The following TMEM177 variants were observed in gnomAD, a reference collection of about 807,000 sequenced individuals.
TMEM177 encodes transmembrane protein 177.
TMEM177 carries 4 observed loss-of-function variants against 14.2 expected under a neutral mutation model. The observed-to-expected ratio is 0.28, with a 90% confidence interval of 0.14 to 0.64. The LOEUF is 0.64. Among genes scored for constraint, TMEM177 ranks in the 30% least tolerant of loss-of-function variants. The probability of loss-of-function intolerance (pLI) is 0.82; values close to 1 mark genes in which losing one functional copy is unlikely to be tolerated. For missense variants in TMEM177, 344 were observed against 405.2 expected (o/e 0.85, Z 1.30); for synonymous variants, 179 against 174.5 (o/e 1.03, Z -0.20).
chr2:119,679,433 C>T (rs1688837958), intron 1 of TMEM177, 157 bp downstream of exon 1: 1 of 152,008 alleles, frequency 6.6e-6, no homozygotes, highest in South Asian at 2.1e-4. Flanking sequence ...GCCCTAGGGA[C>T]GTTGGACTTT....
downstream of TMEM177, chr2:119,686,438 G>A (rs1444117651): frequency 1.3e-5 from 2 of 152,192 alleles, no homozygotes; most frequent in African/African-American, 2.4e-5. Context: ...AGTTTTCCCA[G>A]TGGCTATCAG....
chr2:119,694,098 C>T, the TMEM177 span, among the ~76,000 whole-genome samples: 1 of 25,304 alleles, frequency 4.0e-5, no homozygotes, highest in Non-Finnish European at 8.6e-5. Flanking sequence ...ACACATGGCA[C>T]ACACAAACAC....
downstream of TMEM177, among the ~76,000 whole-genome samples, chr2:119,690,474 A>G (rs116355307): frequency 0.021 from 3,133 of 152,212 alleles, 43 homozygotes; most frequent in Non-Finnish European, 0.032. Context: ...CCCCTACCCC[A>G]TACCTCTCCT....
chr2:119,691,711 A>G, the TMEM177 span, among the ~76,000 whole-genome samples: 1 of 152,154 alleles, frequency 6.6e-6, no homozygotes, highest in Non-Finnish European at 1.5e-5. Context: ...GGGAGGCCCC[A>G]GAGGTCCTGA....
the TMEM177 span, among the ~76,000 whole-genome samples, chr2:119,710,257 G>C: frequency 6.6e-6 from 1 of 152,222 alleles, no homozygotes; most frequent in Non-Finnish European, 1.5e-5. Flanking sequence ...CAGAAGATGA[G>C]ATTCCAGGGG....
intron 1 of TMEM177, among the ~76,000 whole-genome samples, chr2:119,679,860 G>A (rs1170372187): frequency 2.6e-5 from 4 of 152,214 alleles, no homozygotes; most frequent in Non-Finnish European, 5.9e-5. Flanking sequence ...GTTTGCTGTG[G>A]ACACCTGACT....
the TMEM177 span, among the ~76,000 whole-genome samples, chr2:119,692,704 G>A: frequency 3.9e-5 from 6 of 152,220 alleles, no homozygotes; most frequent in African/African-American, 1.4e-4. Context: ...TGGGTGTGGT[G>A]GCTCACGCCT....
the TMEM177 span, among the ~76,000 whole-genome samples, chr2:119,711,168 G>A: frequency 1.3e-5 from 2 of 152,086 alleles, no homozygotes; most frequent in Non-Finnish European, 2.9e-5. Flanking sequence ...ATATGATATC[G>A]GATTCAAGAT....
the TMEM177 span, among the ~76,000 whole-genome samples, chr2:119,722,817 G>C: frequency 6.6e-6 from 1 of 152,196 alleles, no homozygotes; most frequent in Non-Finnish European, 1.5e-5. Context: ...GCCTTTAACA[G>C]ATACTTATTA....
the TMEM177 span, among the ~76,000 whole-genome samples, chr2:119,715,925 C>T: frequency 6.6e-6 from 1 of 152,182 alleles, no homozygotes; most frequent in African/African-American, 2.4e-5. Context: ...GGGAGGGTGG[C>T]CCAACCCACA....
At chr2:119,686,117 T>G (rs769565101), downstream of TMEM177, 29 of 167,928 alleles carry the variant, frequency 1.7e-4, no homozygotes, top group Admixed American at 3.1e-4. Context: ...CCTACCACTT[T>G]AACAGGGCGA....
the TMEM177 span, among the ~76,000 whole-genome samples, chr2:119,717,605 C>CTTTTT: frequency 4.4e-3 from 387 of 88,428 alleles, 7 homozygotes; most frequent in East Asian, 9.9e-3. Context: ...TGACTTGAGT[C>CTTTTT]TTTTTTTTTT....
the TMEM177 span, among the ~76,000 whole-genome samples, chr2:119,694,071 CACA>C: frequency 1.9e-4 from 6 of 32,208 alleles, no homozygotes; most frequent in African/African-American, 4.5e-4. Context: ...AACATACACA[CACA>C]ACATACACAC....
Position 119,680,931 on chromosome 2 carries a change from C to T in TMEM177, c.78C>T (p.Gly26=). ...RTGLLVGSCA[G]LFGVPISYHL... ...GCCTCTTGGTGGGTTCCTGTGCAGG[C>T]CTGTTTGGAGTTCCAATCTCGTACC... The change falls in exon 2 of 2, where the codon GGC becomes GGT. Residue 26 remains glycine, a synonymous_variant. Transcript: ENST00000272521. The T allele has an allele frequency of 1.2e-6, 2 of 1,614,230 alleles. No individual in the cohort carries two copies. Among genetic ancestry groups the T allele is most frequent in the South Asian group, 1.1e-5 (1 of 91,084 alleles).
At chr2:119,698,094 C>T in the TMEM177 span, among the ~76,000 whole-genome samples, 1 of 152,168 alleles carries the variant, frequency 6.6e-6, no homozygotes, top group African/African-American at 2.4e-5. Context: ...CAGAACTTCA[C>T]GGTGAACAAA....
downstream of TMEM177, among the ~76,000 whole-genome samples, chr2:119,687,966 A>G (rs1354736255): frequency 1.3e-5 from 2 of 152,216 alleles, no homozygotes; most frequent in African/African-American, 4.8e-5. Context: ...AAACCTATGT[A>G]TTTCCTAGGG....
chr2:119,723,219 T>C, the TMEM177 span, among the ~76,000 whole-genome samples: 3 of 152,200 alleles, frequency 2.0e-5, no homozygotes, highest in East Asian at 1.9e-4. Flanking sequence ...CTTTCCACCA[T>C]TTATTAAATA....
intron 1 of TMEM177, among the ~76,000 whole-genome samples, chr2:119,679,945 C>T (rs533506591): frequency 6.6e-6 from 1 of 152,158 alleles, no homozygotes; most frequent in South Asian, 2.1e-4. Context: ...AGAAATTTGT[C>T]CTCTGGGAGT....
the TMEM177 span, among the ~76,000 whole-genome samples, chr2:119,711,122 C>T: frequency 2.0e-5 from 3 of 152,052 alleles, no homozygotes; most frequent in African/African-American, 4.8e-5. Context: ...GTGCCTGGCT[C>T]GAGGCAGGCT....
Sources: allele counts gnomAD v4.1 joint callset (sites outside exome capture counted in the v4.1 genomes callset), GRCh38; gene constraint gnomAD v4.1.1; transcripts MANE v1.5; gene names NCBI Gene and HGNC (gene_info 2026-07-23, HGNC 2026-07-21).